SCFD2: variants seen among roughly 807,000 people sequenced by gnomAD.
SCFD2 encodes sec1 family domain containing 2.
A neutral mutation model predicts 58.9 loss-of-function variants in SCFD2; 54 were observed. The ratio of observed to expected loss-of-function variants is 0.92; its 90% CI spans 0.74 to 1.15. SCFD2 has a LOEUF of 1.15. Ranked by LOEUF, SCFD2 falls within the 50% of genes most tolerant of loss-of-function variation. The pLI is 0.00. For synonymous variants in SCFD2, 321 were observed against 335.9 expected (o/e 0.96, Z 0.49); for missense variants, 805 against 836.6 (o/e 0.96, Z 0.47).
At chr4:53,228,700 A>G (rs3986375) in intron 4 of SCFD2, among the ~76,000 whole-genome samples, 147,471 of 151,040 alleles carry the variant, frequency 0.98, 72,094 homozygotes, top group Middle Eastern at 1. Flanking sequence ...ATTCCCTTTG[A>G]AAACTGGCAC....
At chr4:52,948,810 T>A (rs1290084846) in intron 5 of SCFD2, 1 of 231,492 alleles carries the variant, frequency 4.3e-6, no homozygotes. Context: ...TGATTATTTT[T>A]CTGCATCTAT....
intron 3 of SCFD2, among the ~76,000 whole-genome samples, chr4:53,282,934 G>A (rs1290454370): frequency 2.0e-5 from 3 of 152,086 alleles, no homozygotes; most frequent in African/African-American, 7.2e-5. Flanking sequence ...GGCTTTTCTT[G>A]GAATATCTGA....
chr4:53,225,388 A>C (rs1172007840), intron 4 of SCFD2, among the ~76,000 whole-genome samples: 1 of 152,120 alleles, frequency 6.6e-6, no homozygotes, highest in Non-Finnish European at 1.5e-5. Flanking sequence ...ATTAGCCACT[A>C]TTATTTCCTC....
chr4:53,315,001 A>T (rs1052873990), intron 2 of SCFD2, among the ~76,000 whole-genome samples: 1 of 152,210 alleles, frequency 6.6e-6, no homozygotes, highest in African/African-American at 2.4e-5. Flanking sequence ...ACAGATTTTT[A>T]AAAAGCTTTG....
At chr4:53,257,310 A>G (rs1730674905) in intron 4 of SCFD2, among the ~76,000 whole-genome samples, 1 of 152,294 alleles carries the variant, frequency 6.6e-6, no homozygotes, top group Non-Finnish European at 1.5e-5. Context: ...CCTGTTCCCT[A>G]TAGTCAGTTC....
At chr4:52,906,335 G>T (rs1320808618) in intron 7 of SCFD2, among the ~76,000 whole-genome samples, 1 of 152,184 alleles carries the variant, frequency 6.6e-6, no homozygotes, top group Non-Finnish European at 1.5e-5. Flanking sequence ...GCCTGTGAAT[G>T]AAAGAAAAGA....
intron 5 of SCFD2, among the ~76,000 whole-genome samples, chr4:52,980,649 A>G (rs549754376): frequency 6.6e-6 from 1 of 152,212 alleles, no homozygotes; most frequent in African/African-American, 2.4e-5. Context: ...ACACTTTTGT[A>G]TTTCAGTTGT....
intron 2 of SCFD2, among the ~76,000 whole-genome samples, chr4:53,336,714 T>C (rs1733696263): frequency 6.6e-6 from 1 of 152,040 alleles, no homozygotes; most frequent in Admixed American, 6.6e-5. Context: ...GGAGTCTTGG[T>C]ATGTTGCCCA....
chr4:53,344,220 C>A (rs10028890), intron 2 of SCFD2, among the ~76,000 whole-genome samples: 39,491 of 151,786 alleles, frequency 0.26, 5,712 homozygotes, highest in Non-Finnish European at 0.34. Flanking sequence ...AGCCCAAAAT[C>A]TCCTTAAGCT....
chr4:52,898,239 G>C (rs564190792), intron 7 of SCFD2, among the ~76,000 whole-genome samples: 218 of 152,222 alleles, frequency 1.4e-3, no homozygotes, highest in African/African-American at 4.9e-3. Context: ...TTTTAATTGT[G>C]ATGTTAGGGT....
At chr4:53,039,930 C>T (rs1158459169) in intron 5 of SCFD2, among the ~76,000 whole-genome samples, 1 of 152,144 alleles carries the variant, frequency 6.6e-6, no homozygotes, top group Non-Finnish European at 1.5e-5. Context: ...GAACCTTGTC[C>T]AGTTTTATCT....
At chr4:53,001,474 C>T (rs1294540409) in intron 5 of SCFD2, among the ~76,000 whole-genome samples, 2 of 152,114 alleles carry the variant, frequency 1.3e-5, no homozygotes, top group African/African-American at 4.8e-5. Flanking sequence ...TTAAAAAATA[C>T]AAAAACATGG....
At chr4:53,255,558 GCAGAAGAATTTTTCTTAGTA>G (rs775900000) in intron 4 of SCFD2, among the ~76,000 whole-genome samples, 49 of 152,066 alleles carry the variant, frequency 3.2e-4, no homozygotes, top group Non-Finnish European at 6.0e-4. Context: ...GGATCCCAAG[GCAGAAGAATTTTTCTTAGTA>G]CAGAAGAAAA....
chr4:53,041,792 G>A (rs977836710), intron 5 of SCFD2, among the ~76,000 whole-genome samples: 1 of 152,084 alleles, frequency 6.6e-6, no homozygotes, highest in Non-Finnish European at 1.5e-5. Flanking sequence ...TGTTGTTGGT[G>A]TTAAAATACT....
chr4:52,985,045 G>T (rs1721457256), intron 5 of SCFD2, among the ~76,000 whole-genome samples: 1 of 152,200 alleles, frequency 6.6e-6, no homozygotes, highest in Non-Finnish European at 1.5e-5. Flanking sequence ...TAGGACATGG[G>T]TATTTAAAAA....
chr4:53,353,473 G>C (rs904856297), intron 1 of SCFD2, among the ~76,000 whole-genome samples: 4 of 152,208 alleles, frequency 2.6e-5, no homozygotes, highest in Non-Finnish European at 4.4e-5. Flanking sequence ...TGCCACTGCT[G>C]TCTCGGGCAG....
intron 4 of SCFD2, among the ~76,000 whole-genome samples, chr4:53,247,237 TA>T (rs1730115691): frequency 6.6e-6 from 1 of 152,134 alleles, no homozygotes; most frequent in South Asian, 2.1e-4. Flanking sequence ...TGGCTATTAC[TA>T]AAATGTCAAA....
chr4:52,972,060 A>AC (rs1721117420), intron 5 of SCFD2, among the ~76,000 whole-genome samples: 1 of 152,222 alleles, frequency 6.6e-6, no homozygotes, highest in Non-Finnish European at 1.5e-5. Flanking sequence ...CACTGCAAAA[A>AC]CATGCCAAAT....
chr4:52,907,385 G>C, intron 7 of SCFD2, 72 bp downstream of exon 7: 2 of 1,467,626 alleles, frequency 1.4e-6, no homozygotes, highest in East Asian at 4.6e-5. Flanking sequence ...GGGTTAACAG[G>C]GTGCCAGCAT....
Sources: allele counts gnomAD v4.1 joint callset (sites outside exome capture counted in the v4.1 genomes callset), GRCh38; gene constraint gnomAD v4.1.1; transcripts MANE v1.5; gene names NCBI Gene and HGNC (gene_info 2026-07-23, HGNC 2026-07-21).